GLYR1: variants seen among roughly 807,000 people sequenced by gnomAD.
GLYR1 encodes cytokine-like nuclear factor N-PAC.
A neutral mutation model predicts 72.7 loss-of-function variants in GLYR1; 21 were observed. The observed-to-expected ratio is 0.29, with a 90% CI of 0.20 to 0.42. The LOEUF (loss-of-function observed/expected upper bound fraction) is 0.42. Among genes scored for constraint, GLYR1 ranks in the 10% least tolerant of loss-of-function variants. The pLI is 1.00. For missense variants in GLYR1, 594 were observed against 712.1 expected, an observed-to-expected ratio of 0.83 and a Z score of 1.89; for synonymous variants, 392 against 270.2, an observed-to-expected ratio of 1.45 and a Z score of -4.42.
chr16:4,831,545 T>C (rs2084798121), intron 5 of GLYR1, among the ~76,000 whole-genome samples: 1 of 152,244 alleles, frequency 6.6e-6, no homozygotes, highest in Non-Finnish European at 1.5e-5. Flanking sequence ...TACCCTTCTT[T>C]CTTGCTAAGC....
chr16:4,843,791 C>G (rs111380089), intron 3 of GLYR1: 6 of 379,570 alleles, frequency 1.6e-5, no homozygotes, highest in Non-Finnish European at 3.9e-6. Context: ...AATAGAAATA[C>G]AACTACTTAA....
At chr16:4,806,453 C>A (rs945247977) in intron 15 of GLYR1, among the ~76,000 whole-genome samples, 1 of 151,358 alleles carries the variant, frequency 6.6e-6, no homozygotes, top group Non-Finnish European at 1.5e-5. Flanking sequence ...AACTCCTGGG[C>A]TCAAGCAATC....
chr16:4,805,350 C>T (rs1313463379), intron 15 of GLYR1, 40 bp from the exon 16 acceptor site: 1 of 1,571,542 alleles, frequency 6.4e-7, no homozygotes, highest in Non-Finnish European at 8.7e-7. Flanking sequence ...GGCCCCAGAG[C>T]TGCCTTCAAG....
intron 5 of GLYR1, among the ~76,000 whole-genome samples, chr16:4,825,058 A>G (rs1285959528): frequency 6.6e-6 from 1 of 152,182 alleles, no homozygotes; most frequent in Non-Finnish European, 1.5e-5. Flanking sequence ...ACCTAAGCTC[A>G]GGCCACCTGG....
In GLYR1 at chr16:4,822,290, T is replaced by A. The variant is rs371251339; in HGVS notation, c.681+585A>T. On this transcript the variant is annotated intron_variant, in intron 7 of 15. Transcript: ENST00000321919. ...TCAGTAGAGATGGGGTTTCACCATG[T>A]TGGCCAGGCTGGTCTTGAACTCCTG... Among the ~76,000 whole-genome samples, 9 of 152,126 alleles carry A rather than the reference T, an allele frequency of 5.9e-5. No individual in the cohort carries two copies. In the East Asian group the frequency reaches 1.7e-3, roughly 29 times the overall value.
chr16:4,814,035 CTATG>C, intron 11 of GLYR1, 197 bp from the exon 12 acceptor site: 2 of 467,898 alleles, frequency 4.3e-6, no homozygotes, highest in East Asian at 3.5e-5. Context: ...TAAAAAGAAT[CTATG>C]TGAGTGTGTG....
intron 1 of GLYR1, 152 bp downstream of exon 1, chr16:4,847,076 C>G: frequency 1.1e-5 from 8 of 723,848 alleles, no homozygotes; most frequent in Middle Eastern, 6.9e-4. Flanking sequence ...GCCCCTTCCG[C>G]CTGGCGCCGC....
At chr16:4,824,243 G>C (rs1263316697) in intron 5 of GLYR1, among the ~76,000 whole-genome samples, 1 of 152,088 alleles carries the variant, frequency 6.6e-6, no homozygotes, top group Non-Finnish European at 1.5e-5. Flanking sequence ...GGCTGGGCGT[G>C]GTGGCTCATG....
At chr16:4,821,185 A>C (rs2083998550) in intron 9 of GLYR1, 195 bp downstream of exon 9, 3 of 629,506 alleles carry the variant, frequency 4.8e-6, no homozygotes, top group Non-Finnish European at 8.3e-6. Context: ...CTTATGCCCA[A>C]GGGAGACCCG....
intron 15 of GLYR1, among the ~76,000 whole-genome samples, chr16:4,806,434 G>A (rs2082977571): frequency 6.6e-6 from 1 of 150,614 alleles, no homozygotes; most frequent in Non-Finnish European, 1.5e-5. Context: ...ATGGCTCATT[G>A]CAGCCTCGAA....
At chr16:4,845,672 G>A (rs1381738441) in intron 2 of GLYR1, among the ~76,000 whole-genome samples, 1 of 152,024 alleles carries the variant, frequency 6.6e-6, no homozygotes, top group Non-Finnish European at 1.5e-5. Context: ...CGGGCTCCAA[G>A]CAAGAATATA....
At chr16:4,834,015 C>T (rs1391390255) in intron 3 of GLYR1, among the ~76,000 whole-genome samples, 3 of 152,218 alleles carry the variant, frequency 2.0e-5, no homozygotes, top group African/African-American at 4.8e-5. Flanking sequence ...AGGTTGTTTT[C>T]TTCATAGAAA....
At chr16:4,842,878 TTAG>T (rs1026907664) in intron 3 of GLYR1, among the ~76,000 whole-genome samples, 3 of 152,124 alleles carry the variant, frequency 2.0e-5, no homozygotes, top group African/African-American at 7.2e-5. Flanking sequence ...TTTTGTATTT[TTAG>T]TAGAGACAGG....
intron 3 of GLYR1, among the ~76,000 whole-genome samples, chr16:4,839,093 G>C (rs1319105134): frequency 6.6e-6 from 1 of 152,056 alleles, no homozygotes; most frequent in East Asian, 1.9e-4. Flanking sequence ...CAGGTGACCT[G>C]GGCTGAAGCC....
chr16:4,846,245 C>T, intron 1 of GLYR1, 35 bp from the exon 2 acceptor site: 1 of 1,611,976 alleles, frequency 6.2e-7, no homozygotes, highest in Non-Finnish European at 8.5e-7. Context: ...ACTTGCCCTG[C>T]AAAAGCCAGT....
chr16:4,810,659 C>A (rs1335878653), intron 15 of GLYR1, among the ~76,000 whole-genome samples: 4 of 116,474 alleles, frequency 3.4e-5, no homozygotes, highest in African/African-American at 1.0e-4. Context: ...GTCAGGAGAT[C>A]GAGACCATCC....
chr16:4,831,590 G>A (rs2084801719), intron 5 of GLYR1, among the ~76,000 whole-genome samples: 1 of 152,246 alleles, frequency 6.6e-6, no homozygotes, highest in African/African-American at 2.4e-5. Context: ...ACCGGCTCAA[G>A]TGGACTGCTC....
rs111782324 is a variant in GLYR1, at chr16:4,815,112, CT to C, written c.907-466del. Among the ~76,000 whole-genome samples, 116 of 144,584 alleles carry C rather than the reference CT, an allele frequency of 8.0e-4. 1 individual carries two copies. Among genetic ancestry groups the C allele is most frequent in the South Asian group, 2.2e-3 (10 of 4,600 alleles). 94.9% of individuals were successfully genotyped at this position (144,584 alleles called of 152,430 possible). A position where few individuals can be genotyped will look rare whatever the true frequency, so the allele number is the denominator to read the frequency against. On this transcript the variant is annotated intron_variant, in intron 10 of 15. Transcript: ENST00000321919. ...GTGCCTAAAAACACTACCATTTTGGCTTTTTTTTTTTGAGACAAGGTTTTGC... is the reference window on the plus strand; with the variant it reads ...GTGCCTAAAAACACTACCATTTTGGCTTTTTTTTTTGAGACAAGGTTTTGC...
chr16:4,807,154 C>T (rs938316568), intron 15 of GLYR1, among the ~76,000 whole-genome samples: 2 of 148,026 alleles, frequency 1.4e-5, no homozygotes, highest in African/African-American at 5.0e-5. Flanking sequence ...GTCTGTCGCC[C>T]AGGCTGGAGT....
Sources: allele counts gnomAD v4.1 joint callset (sites outside exome capture counted in the v4.1 genomes callset), GRCh38; gene constraint gnomAD v4.1.1; transcripts MANE v1.5; gene names NCBI Gene and HGNC (gene_info 2026-07-23, HGNC 2026-07-21).